POLN: variants seen among roughly 807,000 people sequenced by gnomAD.
POLN encodes the protein DNA polymerase N.
In POLN, 108 loss-of-function variants were observed where a neutral mutation model predicts 113.5. The ratio of observed to expected loss-of-function variants is 0.95; its 90% CI spans 0.81 to 1.12. POLN has a LOEUF of 1.12. POLN is among the 50% of genes most tolerant of loss of function. The probability of loss-of-function intolerance (pLI) is 0.00; values close to 1 mark genes in which losing one functional copy is unlikely to be tolerated. For synonymous variants in POLN, 386 were observed against 391.5 expected (o/e 0.99, Z 0.17); for missense variants, 1,097 against 1,077.1 (o/e 1.02, Z -0.26).
rs75901908 is a variant in POLN, at chr4:2,228,396, G to A, written c.133+703C>T. 1.7e-3 allele frequency: 387 copies of A among 227,260 alleles called. 1 individual carries two copies. Among genetic ancestry groups the A allele is most frequent in the African/African-American group, 1.0e-2 (364 of 36,566 alleles). 14.1% of individuals were successfully genotyped at this position (227,260 alleles called of 1,614,324 possible). ...GATAGAGTCTCACTCTGTCGCCCAC[G>A]CTGGAGACCTCAGCTCACTGCAAGC... On this transcript the variant is annotated intron_variant, in intron 3 of 25. Coordinates refer to ENST00000511885, the MANE Select transcript of POLN (RefSeq NM_181808.4).
intron 23 of POLN, among the ~76,000 whole-genome samples, chr4:2,078,000 G>C (rs1467432731): frequency 6.6e-6 from 1 of 152,220 alleles, no homozygotes; most frequent in Non-Finnish European, 1.5e-5. Context: ...TGGCCTGACT[G>C]AGATCACTGC....
chr4:2,173,222 G>C (rs542544899), intron 11 of POLN, among the ~76,000 whole-genome samples: 212 of 152,284 alleles, frequency 1.4e-3, no homozygotes, highest in African/African-American at 4.7e-3. Context: ...CTTTGAACCA[G>C]GTGATGGTTA....
chr4:2,169,779 G>A (rs1732815312), intron 13 of POLN, among the ~76,000 whole-genome samples: 1 of 152,238 alleles, frequency 6.6e-6, no homozygotes. Flanking sequence ...GACCTGGAAG[G>A]AGGACGGGCC....
At chr4:2,150,231 A>C (rs1277303591) in intron 16 of POLN, among the ~76,000 whole-genome samples, 1 of 152,182 alleles carries the variant, frequency 6.6e-6, no homozygotes, top group African/African-American at 2.4e-5. Flanking sequence ...TGGTTATTTA[A>C]CATTAATATT....
intron 2 of POLN, among the ~76,000 whole-genome samples, chr4:2,233,253 C>A (rs1734647040): frequency 6.6e-6 from 1 of 152,094 alleles, no homozygotes; most frequent in Non-Finnish European, 1.5e-5. Flanking sequence ...CAATTAAATA[C>A]TAAAGATCAT....
chr4:2,159,673 C>T (rs1732528393), intron 13 of POLN, among the ~76,000 whole-genome samples: 2 of 152,126 alleles, frequency 1.3e-5, no homozygotes, highest in South Asian at 4.2e-4. Context: ...TAACCACCAC[C>T]CACAGCGAGC....
At chr4:2,092,013 A>C (rs1246157019) in intron 20 of POLN, among the ~76,000 whole-genome samples, 2 of 146,728 alleles carry the variant, frequency 1.4e-5, no homozygotes, top group African/African-American at 4.9e-5. Flanking sequence ...CGCTGCTTTC[A>C]AAACTCAGCT....
chr4:2,197,706 CTA>C (rs1733615685), intron 6 of POLN, among the ~76,000 whole-genome samples: 1 of 152,296 alleles, frequency 6.6e-6, no homozygotes, highest in African/African-American at 2.4e-5. Flanking sequence ...GAGCTGAATG[CTA>C]TGTTTGTCAC....
intron 19 of POLN, among the ~76,000 whole-genome samples, chr4:2,115,208 C>CTATATATATATA (rs67359279): frequency 1.7e-4 from 20 of 119,272 alleles, no homozygotes; most frequent in African/African-American, 5.6e-4. Flanking sequence ...ACCACCACAG[C>CTATATATATATA]TATATATATA....
intron 19 of POLN, among the ~76,000 whole-genome samples, chr4:2,119,541 G>A (rs1007986045): frequency 1.3e-5 from 2 of 152,044 alleles, no homozygotes; most frequent in Non-Finnish European, 2.9e-5. Context: ...TCAAATTGTG[G>A]CTTTATAGTT....
chr4:2,176,344 A>G lies in POLN; in HGVS notation c.1180-10T>C, dbSNP rs1334328038. On this transcript the variant is annotated splice_polypyrimidine_tract_variant and intron_variant, in intron 8 of 25. Transcript: ENST00000511885. ...CACGTACATTCTGATTCTTTAAAAG[A>G]GCAAAAGTATTTTTAAAAATCAGAT... 1 of 1,576,080 alleles carries G rather than the reference A, an allele frequency of 6.3e-7. No individual in the cohort carries two copies. Among genetic ancestry groups the G allele is most frequent in the Non-Finnish European group, 8.6e-7 (1 of 1,161,956 alleles).
chr4:2,164,196 C>T (rs553876031), intron 13 of POLN, among the ~76,000 whole-genome samples: 11 of 152,278 alleles, frequency 7.2e-5, no homozygotes, highest in Admixed American at 2.6e-4. Context: ...CCCCCATTCT[C>T]CAACCAGCTA....
chr4:2,115,298 C>A (rs963590887), intron 19 of POLN, among the ~76,000 whole-genome samples: 2 of 150,124 alleles, frequency 1.3e-5, no homozygotes, highest in African/African-American at 4.9e-5. Flanking sequence ...GAACTCCTAA[C>A]CTCAAGTGAT....
At chr4:2,160,199 A>C (rs886466307) in intron 13 of POLN, among the ~76,000 whole-genome samples, 9 of 152,212 alleles carry the variant, frequency 5.9e-5, no homozygotes, top group African/African-American at 2.2e-4. Flanking sequence ...TTATCTCCCC[A>C]GTGACTAACG....
At chr4:2,152,190 C>G (rs1732313279) in intron 16 of POLN, among the ~76,000 whole-genome samples, 1 of 151,552 alleles carries the variant, frequency 6.6e-6, no homozygotes, top group South Asian at 2.1e-4. Context: ...CACCACCATG[C>G]CCACCTAATC....
At chr4:2,209,565 C>A (rs1052017038) in intron 4 of POLN, among the ~76,000 whole-genome samples, 1 of 150,842 alleles carries the variant, frequency 6.6e-6, no homozygotes, top group Non-Finnish European at 1.5e-5. Context: ...CATAGATCCA[C>A]AAACTAATCA....
At chr4:2,145,921 C>T (rs1732126920) in intron 16 of POLN, among the ~76,000 whole-genome samples, 1 of 151,926 alleles carries the variant, frequency 6.6e-6, no homozygotes, top group Non-Finnish European at 1.5e-5. Context: ...TACTATATAG[C>T]AGCCAAGATG....
chr4:2,186,154 A>G lies in POLN; in HGVS notation c.1022-6689T>C, dbSNP rs531964865. On this transcript the variant is annotated intron_variant, in intron 7 of 25. Coordinates refer to ENST00000511885, the MANE Select transcript of POLN (RefSeq NM_181808.4). ...CCAAACATGTAGAAAAACTTCTCCC[A>G]ATTCAGTTACTAAACTGAAAAAAGT... 6.0e-4 allele frequency among the ~76,000 whole-genome samples: 91 copies of G among 152,308 alleles called. 3 individuals are homozygous for G. In the South Asian group the frequency reaches 0.017, roughly 28 times the overall value.
In POLN at chr4:2,239,986, C is replaced by T. The variant is rs537694693; in HGVS notation, c.-13+1534G>A. On this transcript the variant is annotated intron_variant, in intron 2 of 25. Coordinates refer to ENST00000511885, the MANE Select transcript of POLN (RefSeq NM_181808.4). ...TACTTTAACAGCAATATTATCTCCT[C>T]TATTCCTAACAATAATTACAATGTG... 80 of 1,388,166 alleles carry T rather than the reference C, an allele frequency of 5.8e-5. No individual in the cohort carries two copies. In the African/African-American group the frequency reaches 9.7e-4, roughly 17 times the overall value. The allele number at this position is 1,388,166 out of a possible 1,614,324, so 86.0% of individuals were successfully genotyped here.
Sources: gnomAD v4.1 joint callset for allele counts (sites outside exome capture counted in the v4.1 genomes callset) on GRCh38, gnomAD v4.1.1 for gene constraint, MANE v1.5 for transcripts, NCBI Gene and HGNC (gene_info 2026-07-23, HGNC 2026-07-21) for gene names.